Variants in STPG1 observed in about 807,000 individuals in gnomAD.
STPG1 encodes O(6)-methylguanine-induced apoptosis 2.
Under a neutral mutation model 40.1 loss-of-function variants are expected in STPG1, and 33 were observed. That is an observed-to-expected ratio of 0.82 (90% CI 0.62 to 1.10). The LOEUF (loss-of-function observed/expected upper bound fraction) is 1.10. STPG1 is among the 50% of genes least tolerant of loss of function. The pLI, the probability that STPG1 is intolerant of heterozygous loss-of-function variation, is 0.00. For missense variants in STPG1, 396 were observed against 415.1 expected (o/e 0.95, Z 0.40); for synonymous variants, 150 against 155.0 (o/e 0.97, Z 0.24).
chr1:24,405,713 T>G (rs184931262), intron 1 of STPG1, among the ~76,000 whole-genome samples: 44 of 152,324 alleles, frequency 2.9e-4, no homozygotes, highest in Non-Finnish European at 4.1e-4. Context: ...ACCAGGTGCA[T>G]GAACATTTAT....
intron 7 of STPG1, among the ~76,000 whole-genome samples, chr1:24,368,466 G>A (rs12126120): frequency 0.014 from 2,122 of 152,256 alleles, 16 homozygotes; most frequent in South Asian, 0.027. Flanking sequence ...GAGGGGCTAC[G>A]CATGGGTGAG....
chr1:24,397,002 A>G (rs1442162937), intron 2 of STPG1, among the ~76,000 whole-genome samples: 1 of 152,214 alleles, frequency 6.6e-6, no homozygotes, highest in Non-Finnish European at 1.5e-5. Flanking sequence ...AAGATTTACT[A>G]TGCTAACACT....
chr1:24,403,416 T>G (rs566529930), intron 1 of STPG1, among the ~76,000 whole-genome samples: 1 of 152,288 alleles, frequency 6.6e-6, no homozygotes, highest in South Asian at 2.1e-4. Flanking sequence ...TGTCTTATTT[T>G]TCAAAATTAT....
intron 2 of STPG1, among the ~76,000 whole-genome samples, chr1:24,398,144 C>G (rs1030512610): frequency 6.6e-6 from 1 of 152,100 alleles, no homozygotes; most frequent in Non-Finnish European, 1.5e-5. Context: ...AATGGTATCT[C>G]ATTATGGTTT....
chr1:24,394,272 C>T (rs1341098144), intron 2 of STPG1, among the ~76,000 whole-genome samples: 1 of 152,064 alleles, frequency 6.6e-6, no homozygotes, highest in African/African-American at 2.4e-5. Flanking sequence ...GCAAAATTAC[C>T]CCTAGACTAA....
intron 2 of STPG1, among the ~76,000 whole-genome samples, chr1:24,396,882 AAC>A (rs1295787083): frequency 2.0e-5 from 3 of 152,218 alleles, no homozygotes; most frequent in Non-Finnish European, 4.4e-5. Flanking sequence ...CCAATTAAAA[AAC>A]AGAGATTCTC....
rs765322123 is a variant in STPG1, at chr1:24,383,908, G to T, written c.285C>A (p.Pro95=). The T allele has an allele frequency of 5.0e-6, 8 of 1,607,866 alleles. No homozygotes were observed. In the African/African-American group the frequency reaches 6.7e-5, roughly 13 times the overall value. The change falls in exon 4 of 9, where the codon CCC becomes CCA. Residue 95 remains proline (P), a synonymous_variant. Transcript: ENST00000337248. ...CAAGAGAAGTGGTTCTCACCATTGA[G>T]GGAAACATGCAAGTTCCTTTCTTGG... ...SLSKKGTCMF[P]SMCARLDTII...
At chr1:24,388,662 C>T (rs902366968) in intron 3 of STPG1, among the ~76,000 whole-genome samples, 10 of 152,192 alleles carry the variant, frequency 6.6e-5, no homozygotes, top group African/African-American at 2.2e-4. Flanking sequence ...TCTGGAGCAA[C>T]GGTGTGGGTG....
At chr1:24,406,404 C>CA (rs1482610054) in intron 1 of STPG1, among the ~76,000 whole-genome samples, 1 of 151,916 alleles carries the variant, frequency 6.6e-6, no homozygotes, top group Non-Finnish European at 1.5e-5. Flanking sequence ...TTTAAACACT[C>CA]AATTATCTTT....
At chr1:24,407,731 C>G (rs529559046) in intron 1 of STPG1, among the ~76,000 whole-genome samples, 17 of 152,206 alleles carry the variant, frequency 1.1e-4, no homozygotes, top group Non-Finnish European at 2.5e-4. Context: ...CCACCATGCC[C>G]GGCCAAGTTC....
Position 24,359,207 on chromosome 1 carries a change from C to T in STPG1, c.929-588G>A, listed in dbSNP as rs555466387. On this transcript the variant is annotated intron_variant, in intron 8 of 8. Transcript: ENST00000337248. The surrounding 1 kb of genome is among the most constrained non-coding windows in gnomAD (Gnocchi z 5.3). ...GAGCAGGCAGATGCCGGCACGTGCACGTGCCCAGGAAACCCCTCGCAGAAG... is the reference window on the plus strand; with the variant it reads ...GAGCAGGCAGATGCCGGCACGTGCATGTGCCCAGGAAACCCCTCGCAGAAG... Among the ~76,000 whole-genome samples the T allele has an allele frequency of 1.3e-5, 2 of 152,312 alleles. No homozygotes were observed. Among genetic ancestry groups the T allele is most frequent in the East Asian group, 1.9e-4 (1 of 5,172 alleles).
At chr1:24,367,866 G>A (rs779876370) in intron 7 of STPG1, among the ~76,000 whole-genome samples, 24 of 152,088 alleles carry the variant, frequency 1.6e-4, no homozygotes, top group Non-Finnish European at 2.6e-4. Flanking sequence ...GAATCCCTAC[G>A]AGATAAGATC....
intron 7 of STPG1, 44 bp downstream of exon 7, chr1:24,369,630 C>T (rs757939411): frequency 2.6e-6 from 4 of 1,549,586 alleles, no homozygotes; most frequent in Admixed American, 3.9e-5. Context: ...GCTTCTTCCC[C>T]ACAACCACCT....
chr1:24,401,440 CATGTTCTCCTA>C lies in STPG1; in HGVS notation c.-63_-53del. ...ATTTGTTTGATGAAAAGTTCTACTGCATGTTCTCCTAAGCACCTGAAACAGCAAAACACAGC... is the reference window on the plus strand; with the variant it reads ...ATTTGTTTGATGAAAAGTTCTACTGCAGCACCTGAAACAGCAAAACACAGC... On this transcript the variant is annotated 5_prime_UTR_variant, in exon 2 of 9. An upstream start codon of the reference 5' UTR is lost. Coordinates refer to ENST00000337248, the MANE Select transcript of STPG1 (RefSeq NM_001199013.2). The C allele has an allele frequency of 6.6e-7, 1 of 1,520,074 alleles. No homozygotes were observed. The highest frequency in any genetic ancestry group is 9.1e-7 in the Non-Finnish European group (1 of 1,097,440). The allele number at this position is 1,520,074 out of a possible 1,614,324, so 94.2% of individuals were successfully genotyped here. A position where few individuals can be genotyped will look rare whatever the true frequency, so the allele number is the denominator to read the frequency against.
chr1:24,398,955 GTTT>G (rs762034725), intron 2 of STPG1, among the ~76,000 whole-genome samples: 106 of 151,998 alleles, frequency 7.0e-4, no homozygotes, highest in Non-Finnish European at 1.3e-3. Flanking sequence ...TGAGAGTAGA[GTTT>G]TTTTAAGACA....
chr1:24,363,607 G>C (rs574970817), intron 7 of STPG1, among the ~76,000 whole-genome samples: 2 of 152,220 alleles, frequency 1.3e-5, no homozygotes, highest in African/African-American at 4.8e-5. Context: ...CTACTACCCA[G>C]ATTGTTAGGA....
rs978459203 is a variant in STPG1 at position 24,399,750 on chromosome 1, G to T, written c.70+1569C>A. ...AAAGACAAGACAAGACCCAGCAGAAGAAAATGGGCAAAAAAGTTGAACAGT... is the reference window on the plus strand; with the variant it reads ...AAAGACAAGACAAGACCCAGCAGAATAAAATGGGCAAAAAAGTTGAACAGT... On this transcript the variant is annotated intron_variant, in intron 2 of 8. Transcript: ENST00000337248. The surrounding 1 kb of genome is among the most constrained non-coding windows in gnomAD (Gnocchi z 4.0). 1.3e-5 allele frequency among the ~76,000 whole-genome samples: 2 copies of T among 152,034 alleles called. No individual in the cohort carries two copies. The highest frequency in any genetic ancestry group is 4.8e-5 in the African/African-American group (2 of 41,420).
chr1:24,395,114 C>T (rs548294528), intron 2 of STPG1, among the ~76,000 whole-genome samples: 2 of 151,424 alleles, frequency 1.3e-5, no homozygotes, highest in African/African-American at 2.4e-5. Flanking sequence ...GAAACAAATA[C>T]GAGAATGACA....
At position 24,373,828 on chromosome 1, in the gene STPG1, AC is replaced by A; in HGVS notation, c.463-19del. ...ACAGAGGCCTAGGGGGAGAAAATAC[AC>A]CCAATGTACTCAGTACCTTTCCTTT... On this transcript the variant is annotated intron_variant, in intron 5 of 8. Transcript: ENST00000337248. 1 of 1,520,144 alleles carries A rather than the reference AC, an allele frequency of 6.6e-7. No individual in the cohort carries two copies. The highest frequency in any genetic ancestry group is 1.1e-5 in the South Asian group (1 of 88,800). The allele number at this position is 1,520,144 out of a possible 1,614,324, so 94.2% of individuals were successfully genotyped here.
Sources: allele counts gnomAD v4.1 joint callset (sites outside exome capture counted in the v4.1 genomes callset), GRCh38; gene constraint gnomAD v4.1.1; non-coding constraint Gnocchi (gnomAD v3.1); transcripts MANE v1.5; gene names NCBI Gene and HGNC (gene_info 2026-07-23, HGNC 2026-07-21).